Variants in IGFALS observed in about 807,000 individuals in gnomAD.
The protein encoded by IGFALS is insulin like growth factor binding protein acid labile subunit, also known as insulin-like growth factor-binding protein complex acid labile subunit.
IGFALS carries 2 observed loss-of-function variants against 2.6 expected under a neutral mutation model. The observed-to-expected ratio is 0.77, with a 90% CI of 0.32 to 2.44. The LOEUF (loss-of-function observed/expected upper bound fraction) is 2.44, where lower values mean the gene tolerates loss of function less well. IGFALS is among the 30% of genes most tolerant of loss of function. IGFALS has a pLI of 0.11. For missense variants in IGFALS, 996 were observed against 848.7 expected (o/e 1.17, Z -2.16); for synonymous variants, 519 against 431.9 (o/e 1.20, Z -2.50).
Position 1,790,629 on chromosome 16 carries a change from G to T in IGFALS, c.1789C>A (p.Leu597Ile), listed in dbSNP as rs766112684. 6.3e-7 allele frequency: 1 copy of T among 1,579,142 alleles called. No homozygotes were observed. The highest frequency in any genetic ancestry group is 8.6e-7 in the Non-Finnish European group (1 of 1,163,694). Residue 597 changes from leucine (L) to isoleucine (I), a missense_variant, in exon 2 of 2, where the codon CTC becomes ATC. Transcript: ENST00000215539. ...CAGGGAGCAAAGTGGGCCTCGCTGA[G>T]GTCCCGCAGGTCGAGCCCCACGACC... ...PEVVGLDLRD[L>I]SEAHFAPC
Position 1,791,399 on chromosome 16 carries a change from A to T in IGFALS, c.1019T>A (p.Leu340His). The T allele has an allele frequency of 6.2e-7, 1 of 1,611,060 alleles. No individual in the cohort carries two copies. The highest frequency in any genetic ancestry group is 8.5e-7 in the Non-Finnish European group (1 of 1,179,958). ...AERSFEGLGQ[L>H]EVLTLDHNQL... The stretch of plus-strand genomic sequence containing the variant: ...GTTGTGGTCTAGCGTGAGCACCTCA[A>T]GCTGCCCCAGGCCCTCAAAGCTGCG... Residue 340 changes from leucine (L) to histidine (H), a missense_variant, in exon 2 of 2, where the codon CTT becomes CAT. Transcript: ENST00000215539.
chr16:1,792,071 T>TA lies in IGFALS; in HGVS notation c.346_347insT (p.Gln116LeufsTer66), dbSNP rs1395834121. On this transcript the variant is annotated frameshift_variant, in exon 2 of 2. Transcript: ENST00000215539. LOFTEE classifies it low-confidence loss of function (END_TRUNC). ...CAGGTTCTCTAGGCCCAGCAGCGCCTGTGGCTCCAGGCTGCCCAGCTGGCC... is the reference window on the plus strand; with the variant it reads ...CAGGTTCTCTAGGCCCAGCAGCGCCTAGTGGCTCCAGGCTGCCCAGCTGGCC... 8 of 1,609,630 alleles carry TA rather than the reference T, an allele frequency of 5.0e-6. No homozygotes were observed. The Admixed American group carries it at 1.3e-4, about 27-fold the overall frequency.
chr16:1,791,461 C>T lies in IGFALS; in HGVS notation c.957G>A (p.Leu319=), dbSNP rs773547792. 2 of 1,612,354 alleles carry T rather than the reference C, an allele frequency of 1.2e-6. No individual in the cohort carries two copies. Among genetic ancestry groups the T allele is most frequent in the South Asian group, 1.1e-5 (1 of 91,044 alleles). ...GCCGGATGCGGTTGTGGCCCAGCTG[C>T]AGCTCCTCCAGGAAGTGCAGGTCCT... ...TFKDLHFLEE[L]QLGHNRIRQL... is the part of the protein sequence containing the mutation. Residue 319 remains leucine (L), a synonymous_variant, in exon 2 of 2, where the codon CTG becomes CTA. Transcript: ENST00000215539.
Position 1,792,048 on chromosome 16 carries a change from G to C in IGFALS, c.370C>G (p.Leu124Val), listed in dbSNP as rs777612163. 3 of 1,610,590 alleles carry C rather than the reference G, an allele frequency of 1.9e-6. No homozygotes were observed. Among genetic ancestry groups the C allele is most frequent in the Middle Eastern group, 1.7e-4 (1 of 6,056 alleles). ...EPQALLGLEN[L>V]CHLHLERNQL... The stretch of plus-strand genomic sequence containing the variant: ...TTCCGCTCCAGGTGCAGGTGGCACA[G>C]GTTCTCTAGGCCCAGCAGCGCCTGT... Residue 124 changes from leucine to valine, a missense_variant, in exon 2 of 2, where the codon CTG becomes GTG. Coordinates refer to ENST00000215539, the MANE Select transcript of IGFALS (RefSeq NM_004970.3).
At chr16:1,793,518 ACCCCCAGAGCTGAGC>A (rs536527808) in intron 1 of IGFALS, 104 bp downstream of exon 1, 12 of 884,152 alleles carry the variant, frequency 1.4e-5, no homozygotes, top group South Asian at 1.3e-4. Flanking sequence ...TCCCCCGCAG[ACCCCCAGAGCTGAGC>A]CCCCCAGAGC....
In IGFALS at chr16:1,791,524, G is replaced by A. The variant is rs759846527; in HGVS notation, c.894C>T (p.Ser298=). 6.3e-7 allele frequency: 1 copy of A among 1,597,398 alleles called. No homozygotes were observed. The highest frequency in any genetic ancestry group is 8.5e-7 in the Non-Finnish European group (1 of 1,173,194). The part of the protein sequence containing the change: ...GLLGLRVLRL[S]HNAIASLRPR... Reference sequence around the variant, plus strand: ...GCCGCAGGCTGGCGATGGCGTTGTGGGACAGCCGCAGCACACGCAGGCCCA... The same window carrying A: ...GCCGCAGGCTGGCGATGGCGTTGTGAGACAGCCGCAGCACACGCAGGCCCA... The change falls in exon 2 of 2, where the codon TCC becomes TCT. Residue 298 remains serine (S), a synonymous_variant. Transcript: ENST00000215539.
chr16:1,792,270 C>A lies in IGFALS; in HGVS notation c.148G>T (p.Asp50Tyr). ...ACGCTGAGCTCATCCGCGTCGTCAT[C>A]GTAGCTGCAGACACAGGCGGCCGGG... ...ACPAACVCSYDDDADELSVFC... is the reference protein window; with the variant it reads ...ACPAACVCSYYDDADELSVFC... Residue 50 changes from aspartate (D) to tyrosine (Y), a missense_variant, in exon 2 of 2, where the codon GAT becomes TAT. Coordinates refer to ENST00000215539, the MANE Select transcript of IGFALS (RefSeq NM_004970.3). 6.2e-7 allele frequency: 1 copy of A among 1,600,922 alleles called. No individual in the cohort carries two copies. Among genetic ancestry groups the A allele is most frequent in the Non-Finnish European group, 8.5e-7 (1 of 1,179,664 alleles).
rs768462499 is a variant in IGFALS at position 1,790,774 on chromosome 16, C to T, written c.1644G>A (p.Arg548=). ...CACTGGGGTTCTGCAGGGCGAAGTCCCGCAGCGCCTTGAGAGGGCAGCCAC... is the reference window on the plus strand; with the variant it reads ...CACTGGGGTTCTGCAGGGCGAAGTCTCGCAGCGCCTTGAGAGGGCAGCCAC... The part of the protein sequence containing the change: ...WDCGCPLKAL[R]DFALQNPSAV... The change falls in exon 2 of 2, where the codon CGG becomes CGA. Residue 548 remains arginine (R), a synonymous_variant. Coordinates refer to ENST00000215539, the MANE Select transcript of IGFALS (RefSeq NM_004970.3). 8.8e-6 allele frequency: 14 copies of T among 1,587,166 alleles called. No homozygotes were observed. Among genetic ancestry groups the T allele is most frequent in the South Asian group, 1.1e-5 (1 of 87,554 alleles).
In IGFALS at chr16:1,793,623, C is replaced by G; in HGVS notation, c.16+14G>C. ...CACCCCTAGAGTGGGTGGCGGGGCA[C>G]TCGGGGGCCTCACCTTTCCTCAGGG... is the stretch of plus-strand genomic sequence containing the variant. On this transcript the variant is annotated intron_variant, in intron 1 of 1. Coordinates refer to ENST00000215539, the MANE Select transcript of IGFALS (RefSeq NM_004970.3). The G allele has an allele frequency of 6.3e-7, 1 of 1,594,616 alleles. No homozygotes were observed.
Position 1,792,343 on chromosome 16 carries a change from C to G in IGFALS, c.75G>C (p.Leu25=), listed in dbSNP as rs975091330. 43 of 1,592,016 alleles carry G rather than the reference C, an allele frequency of 2.7e-5. No individual in the cohort carries two copies. Among genetic ancestry groups the G allele is most frequent in the Non-Finnish European group, 3.6e-5 (42 of 1,174,964 alleles). ...CCGGCGTTCCGGGGTCTGCTCCCTCCAGGCTGCGGGGGCCCAGTGCCACCC... is the reference window on the plus strand; with the variant it reads ...CCGGCGTTCCGGGGTCTGCTCCCTCGAGGCTGCGGGGGCCCAGTGCCACCC... ...LSWVALGPRS[L]EGADPGTPGE... The change falls in exon 2 of 2, where the codon CTG becomes CTC. Residue 25 remains leucine (L), a synonymous_variant. Coordinates refer to ENST00000215539, the MANE Select transcript of IGFALS (RefSeq NM_004970.3).
At position 1,792,040 on chromosome 16, in the gene IGFALS, G is replaced by T. The variant is rs1897240857; in HGVS notation, c.378C>A (p.His126Gln). 6.2e-7 allele frequency: 1 copy of T among 1,610,634 alleles called. No homozygotes were observed. The highest frequency in any genetic ancestry group is 1.3e-5 in the African/African-American group (1 of 74,924). The change falls in exon 2 of 2, where the codon CAC becomes CAA. Residue 126 changes from histidine to glutamine, a missense_variant. Physicochemically the swap from His to Gln is conservative, Grantham distance 24 (BLOSUM62 0). Transcript: ENST00000215539. ...GCAGCTGGTTCCGCTCCAGGTGCAG[G>T]TGGCACAGGTTCTCTAGGCCCAGCA... Reference protein sequence around the residue: ...QALLGLENLCHLHLERNQLRS... With the variant: ...QALLGLENLCQLHLERNQLRS...
Position 1,792,395 on chromosome 16 carries a change from A to G in IGFALS, c.23T>C (p.Leu8Pro). The change falls in exon 2 of 2, where the codon CTG becomes CCG. Residue 8 changes from leucine (L) to proline (P), a missense_variant. Physicochemically the swap from Leu to Pro is moderately conservative, Grantham distance 98. Coordinates refer to ENST00000215539, the MANE Select transcript of IGFALS (RefSeq NM_004970.3). The stretch of plus-strand genomic sequence containing the variant: ...GGACAGCAGCAGCAGCGCCAGGGCC[A>G]GGCCTCCTGCGGGGGGAGAGGCTTG... Reference protein sequence around the residue: MALRKGGLALALLLLSWV... With the variant: MALRKGGPALALLLLSWV... The G allele has an allele frequency of 1.3e-6, 2 of 1,567,468 alleles. No individual in the cohort carries two copies. The highest frequency in any genetic ancestry group is 1.7e-6 in the Non-Finnish European group (2 of 1,160,858).
At chr16:1,793,424 G>A (rs528597776) in intron 1 of IGFALS, among the ~76,000 whole-genome samples, 7 of 152,200 alleles carry the variant, frequency 4.6e-5, no homozygotes, top group African/African-American at 7.2e-5. Context: ...GGTGGAGGAC[G>A]GGACAGAGAC....
At position 1,790,684 on chromosome 16, in the gene IGFALS, G is replaced by A; in HGVS notation, c.1734C>T (p.Tyr578=). 6.2e-7 allele frequency: 1 copy of A among 1,606,798 alleles called. No homozygotes were observed. The highest frequency in any genetic ancestry group is 8.5e-7 in the Non-Finnish European group (1 of 1,177,526). The change falls in exon 2 of 2, where the codon TAC becomes TAT. Residue 578 remains tyrosine (Y), a synonymous_variant. Coordinates refer to ENST00000215539, the MANE Select transcript of IGFALS (RefSeq NM_004970.3). ...GDDCQPPAYT[Y]NNITCASPPE... is the part of the protein sequence containing the mutation. ...GCGGGCTGGCACAGGTGATGTTGTT[G>A]TAGGTGTACGCGGGCGGCTGGCAAT...
rs917886130 is a variant in IGFALS at position 1,790,654 on chromosome 16, C to G, written c.1764G>C (p.Glu588Asp). 3.8e-6 allele frequency: 6 copies of G among 1,596,042 alleles called. No individual in the cohort carries two copies. The highest frequency in any genetic ancestry group is 5.1e-6 in the Non-Finnish European group (6 of 1,172,270). ...GGTCCCGCAGGTCGAGCCCCACGAC[C>G]TCGGGCGGGCTGGCACAGGTGATGT... The part of the protein sequence containing the change: ...YNNITCASPP[E>D]VVGLDLRDLS... Residue 588 changes from glutamate to aspartate, a missense_variant, in exon 2 of 2, where the codon GAG (glutamate) becomes GAC (aspartate). Transcript: ENST00000215539.
rs778492891 is a variant in IGFALS at position 1,791,210 on chromosome 16, G to A, written c.1208C>T (p.Pro403Leu). Residue 403 changes from proline (P) to leucine (L), a missense_variant, in exon 2 of 2, where the codon CCG becomes CTG. Physicochemically the swap from Pro to Leu is moderately conservative, Grantham distance 98 (BLOSUM62 -3). Transcript: ENST00000215539. Reference sequence around the variant, plus strand: ...CCCCGAGAGGCCGGTGAAGGTGTGCGGGCGGATGCGTCCCAGGCAGCTGCC... The same window carrying A: ...CCCCGAGAGGCCGGTGAAGGTGTGCAGGCGGATGCGTCCCAGGCAGCTGCC... ...LEGSCLGRIR[P>L]HTFTGLSGLR... 16 of 1,608,000 alleles carry A rather than the reference G, an allele frequency of 1.0e-5. No homozygotes were observed. The highest frequency in any genetic ancestry group is 1.7e-4 in the Middle Eastern group (1 of 6,054).
In IGFALS at chr16:1,792,158, G is replaced by A. The variant is rs147229137; in HGVS notation, c.260C>T (p.Ser87Leu). 1.6e-4 allele frequency: 257 copies of A among 1,611,466 alleles called. No individual in the cohort carries two copies. In the Middle Eastern group the frequency reaches 2.5e-3, roughly 16 times the overall value. Residue 87 changes from serine (S) to leucine (L), a missense_variant, in exon 2 of 2, where the codon TCG becomes TTG. Coordinates refer to ENST00000215539, the MANE Select transcript of IGFALS (RefSeq NM_004970.3). ...QALWLDGNNL[S>L]SVPPAAFQNL... ...CTGGAAGGCTGCCGGGGGGACGGAC[G>A]AGAGGTTGTTGCCGTCCAGCCACAG... is the stretch of plus-strand genomic sequence containing the variant.
upstream of IGFALS, among the ~76,000 whole-genome samples, chr16:1,793,929 C>T (rs1053924646): frequency 6.6e-6 from 1 of 152,162 alleles, no homozygotes; most frequent in Non-Finnish European, 1.5e-5. Flanking sequence ...AGTGCCCGGG[C>T]CCCCTGCAGG....
Position 1,792,169 on chromosome 16 carries a change from G to A in IGFALS, c.249C>T (p.Gly83=). ...PGGTQALWLD[G]NNLSSVPPAA... ...CCGGGGGGACGGACGAGAGGTTGTT[G>A]CCGTCCAGCCACAGGGCTTGGGTGC... is the stretch of plus-strand genomic sequence containing the variant. Residue 83 remains glycine (G), a synonymous_variant, in exon 2 of 2, where the codon GGC becomes GGT. Transcript: ENST00000215539. 1.2e-6 allele frequency: 2 copies of A among 1,611,196 alleles called. No individual in the cohort carries two copies. Among genetic ancestry groups the A allele is most frequent in the East Asian group, 2.2e-5 (1 of 44,848 alleles).
Sources: gnomAD v4.1 joint callset for allele counts (sites outside exome capture counted in the v4.1 genomes callset) on GRCh38, gnomAD v4.1.1 for gene constraint, MANE v1.5 for transcripts, NCBI Gene and HGNC (gene_info 2026-07-23, HGNC 2026-07-21) for gene names.